The following ITGB3 variants were observed in gnomAD, a reference collection of about 807,000 sequenced individuals.
ITGB3 encodes integrin beta-3.
Under a neutral mutation model 85.8 loss-of-function variants are expected in ITGB3, and 48 were observed. The ratio of observed to expected loss-of-function variants is 0.56; its 90% confidence interval spans 0.44 to 0.71. ITGB3 has a LOEUF of 0.71. Ranked by LOEUF, ITGB3 falls within the 30% of genes least tolerant of loss-of-function variation. The probability of loss-of-function intolerance (pLI) is 0.00; values close to 1 mark genes in which losing one functional copy is unlikely to be tolerated. For synonymous variants in ITGB3, 363 were observed against 395.6 expected (o/e 0.92, Z 0.98); for missense variants, 861 against 1,019.1 (o/e 0.84, Z 2.11).
Position 47,283,440 on chromosome 17 carries a change from G to A in ITGB3, c.252G>A (p.Val84=). ...NCAPESIEFP[V]SEARVLEDRP... ...CCCCAGAATCCATCGAGTTCCCAGTGAGTGAGGCCCGAGTACTAGAGGACA... is the reference window on the plus strand; with the variant it reads ...CCCCAGAATCCATCGAGTTCCCAGTAAGTGAGGCCCGAGTACTAGAGGACA... The change falls in exon 3 of 15, where the codon GTG becomes GTA. Residue 84 remains valine, a synonymous_variant. Coordinates refer to ENST00000559488, the MANE Select transcript of ITGB3 (RefSeq NM_000212.3). The A allele has an allele frequency of 3.1e-6, 5 of 1,614,236 alleles. No individual in the cohort carries two copies. Among genetic ancestry groups the A allele is most frequent in the African/African-American group, 1.3e-5 (1 of 75,056 alleles).
intron 1 of ITGB3, 21 bp from the exon 2 acceptor site, chr17:47,274,398 G>A (rs2065055487): frequency 2.5e-6 from 4 of 1,609,218 alleles, no homozygotes; most frequent in Non-Finnish European, 3.4e-6. Context: ...TGGTGCTAAT[G>A]CCTTTGTCTG....
At chr17:47,283,157 T>C (rs2065089736) in intron 2 of ITGB3, among the ~76,000 whole-genome samples, 197 bp from the exon 3 acceptor site, 1 of 152,104 alleles carries the variant, frequency 6.6e-6, no homozygotes, top group Non-Finnish European at 1.5e-5. Flanking sequence ...TCCTCATGCC[T>C]TGGCCTCCCA....
chr17:47,287,612 A>C (rs1008922355), intron 6 of ITGB3, among the ~76,000 whole-genome samples: 5 of 152,198 alleles, frequency 3.3e-5, no homozygotes, highest in African/African-American at 1.2e-4. Flanking sequence ...AGAGGAAAAA[A>C]AAGAGAAAGA....
intron 6 of ITGB3, among the ~76,000 whole-genome samples, chr17:47,288,362 A>G (rs2065112214): frequency 1.3e-5 from 2 of 152,114 alleles, no homozygotes; most frequent in Non-Finnish European, 2.9e-5. Flanking sequence ...ACATGAGAAA[A>G]CTTCTTATAA....
chr17:47,277,687 C>G (rs1231110040), intron 2 of ITGB3, among the ~76,000 whole-genome samples: 2 of 152,020 alleles, frequency 1.3e-5, no homozygotes, highest in African/African-American at 4.8e-5. Context: ...TTTGGCAACC[C>G]TACAGTGGAG....
At chr17:47,279,934 G>A (rs2065077244) in intron 2 of ITGB3, 1 of 152,270 alleles carries the variant, frequency 6.6e-6, no homozygotes, top group South Asian at 2.1e-4. Flanking sequence ...TAGGAGAGGT[G>A]GGCAGGGACA....
intron 1 of ITGB3, among the ~76,000 whole-genome samples, chr17:47,270,640 C>T (rs2065041026): frequency 6.6e-6 from 1 of 152,194 alleles, no homozygotes; most frequent in Non-Finnish European, 1.5e-5. Context: ...GAACCAATGT[C>T]ATCATTCCCA....
intron 1 of ITGB3, among the ~76,000 whole-genome samples, chr17:47,271,941 GA>G (rs2065045362): frequency 6.6e-6 from 1 of 151,680 alleles, no homozygotes; most frequent in African/African-American, 2.4e-5. Flanking sequence ...TTTTAATAGA[GA>G]CGGGGTTTCA....
At chr17:47,272,484 A>G (rs1450038138) in intron 1 of ITGB3, among the ~76,000 whole-genome samples, 1 of 152,002 alleles carries the variant, frequency 6.6e-6, no homozygotes, top group Non-Finnish European at 1.5e-5. Flanking sequence ...ATGGTTTTCA[A>G]TAGGTCAACA....
At chr17:47,293,528 G>C (rs779704649) in intron 10 of ITGB3, among the ~76,000 whole-genome samples, 4 of 152,108 alleles carry the variant, frequency 2.6e-5, no homozygotes, top group South Asian at 2.1e-4. Flanking sequence ...ACTGGGTTAC[G>C]GGTGTATTGT....
At chr17:47,293,397 T>A (rs538012570) in intron 10 of ITGB3, among the ~76,000 whole-genome samples, 10 of 152,306 alleles carry the variant, frequency 6.6e-5, no homozygotes, top group Admixed American at 5.2e-4. Flanking sequence ...CGCAGACATG[T>A]TGGCAACACT....
rs2065129449 is a variant in ITGB3 at position 47,292,239 on chromosome 17, A to G, written c.1361A>G (p.Gln454Arg). 1 of 1,614,120 alleles carries G rather than the reference A, an allele frequency of 6.2e-7. No homozygotes were observed. ...GGCTTCAAGGACAGCCTGATCGTCC[A>G]GGTCACCTTTGATTGTGACTGTGCC... The part of the protein sequence containing the change: ...PVGFKDSLIV[Q>R]VTFDCDCACQ... The change falls in exon 10 of 15, where the codon CAG (glutamine) becomes CGG (arginine). Residue 454 changes from glutamine to arginine, a missense_variant. Gln to Arg is a conservative substitution (Grantham distance 43, BLOSUM62 1). Coordinates refer to ENST00000559488, the MANE Select transcript of ITGB3 (RefSeq NM_000212.3).
Position 47,290,181 on chromosome 17 carries a change from C to T in ITGB3, c.1036-4C>T. On this transcript the variant is annotated splice_region_variant and splice_polypyrimidine_tract_variant and intron_variant, in intron 7 of 14. Coordinates refer to ENST00000559488, the MANE Select transcript of ITGB3 (RefSeq NM_000212.3). ...GCTCTGGACATCTTTGTTTTCCTTT[C>T]TAGAACTATAGTGAGCTCATCCCAG... The T allele has an allele frequency of 6.2e-7, 1 of 1,612,728 alleles. No homozygotes were observed. The highest frequency in any genetic ancestry group is 1.3e-5 in the African/African-American group (1 of 74,986).
chr17:47,290,478 A>G (rs979168212), intron 8 of ITGB3, among the ~76,000 whole-genome samples: 1 of 148,002 alleles, frequency 6.8e-6, no homozygotes, highest in Non-Finnish European at 1.5e-5. Flanking sequence ...GGAAGAGAGA[A>G]AGAAGGAAAG....
chr17:47,283,926 C>T (rs80121757), intron 3 of ITGB3, among the ~76,000 whole-genome samples: 214 of 152,286 alleles, frequency 1.4e-3, no homozygotes, highest in South Asian at 9.9e-3. Flanking sequence ...TTGTAAGCCC[C>T]CCTTTCATGG....
chr17:47,312,321 G>T lies in ITGB3; in HGVS notation c.*2117G>T, dbSNP rs534143307. On this transcript the variant is annotated 3_prime_UTR_variant, in exon 15 of 15. Coordinates refer to ENST00000559488, the MANE Select transcript of ITGB3 (RefSeq NM_000212.3). The stretch of plus-strand genomic sequence containing the variant: ...ACATTGAGAATAAGCCTTGGAATTA[G>T]ATATGGGGCAATGACTGAGCCCTGT... Among the ~76,000 whole-genome samples the T allele has an allele frequency of 1.9e-3, 284 of 152,300 alleles. No homozygotes were observed. The highest frequency in any genetic ancestry group is 6.3e-3 in the African/African-American group (263 of 41,556).
rs1487820556 is a variant in ITGB3 at position 47,313,158 on chromosome 17, G to C, written c.*2954G>C. On this transcript the variant is annotated 3_prime_UTR_variant, in exon 15 of 15. Coordinates refer to ENST00000559488, the MANE Select transcript of ITGB3 (RefSeq NM_000212.3). Reference sequence around the variant, plus strand: ...CCGGCTAATTTTTGTATTTTTAGTAGAGACGGGGTTTCACCATGTTGGCCA... The same window carrying C: ...CCGGCTAATTTTTGTATTTTTAGTACAGACGGGGTTTCACCATGTTGGCCA... Among the ~76,000 whole-genome samples, 1 of 150,934 alleles carries C rather than the reference G, an allele frequency of 6.6e-6. No individual in the cohort carries two copies. Among genetic ancestry groups the C allele is most frequent in the African/African-American group, 2.4e-5 (1 of 40,934 alleles).
At chr17:47,261,100 C>G (rs191066958) in intron 1 of ITGB3, among the ~76,000 whole-genome samples, 58 of 152,178 alleles carry the variant, frequency 3.8e-4, no homozygotes, top group Non-Finnish European at 8.8e-5. Flanking sequence ...AATTTATATC[C>G]CTTGACCAGC....
At position 47,253,954 on chromosome 17, in the gene ITGB3, C is replaced by T. The variant is rs1487930463; in HGVS notation, c.79+14C>T. 5 of 1,405,826 alleles carry T rather than the reference C, an allele frequency of 3.6e-6. No homozygotes were observed. The highest frequency in any genetic ancestry group is 1.5e-5 in the South Asian group (1 of 68,786). 87.1% of individuals were successfully genotyped at this position (1,405,826 alleles called of 1,614,324 possible). ...TTGGCGTAGGAGGTGAGTGAGGCTCCGGCTCGGCAGCGTCGCAGCTGCCCC... is the reference window on the plus strand; with the variant it reads ...TTGGCGTAGGAGGTGAGTGAGGCTCTGGCTCGGCAGCGTCGCAGCTGCCCC... On this transcript the variant is annotated intron_variant, in intron 1 of 14. Coordinates refer to ENST00000559488, the MANE Select transcript of ITGB3 (RefSeq NM_000212.3).
Sources: allele counts gnomAD v4.1 joint callset (sites outside exome capture counted in the v4.1 genomes callset), GRCh38; gene constraint gnomAD v4.1.1; transcripts MANE v1.5; gene names NCBI Gene and HGNC (gene_info 2026-07-23, HGNC 2026-07-21).